The following SECISBP2 variants were observed in gnomAD, a reference collection of about 807,000 sequenced individuals.
The protein encoded by SECISBP2 is SECIS binding protein 2, also known as selenocysteine insertion sequence-binding protein 2.
SECISBP2 carries 96 observed loss-of-function variants against 98.2 expected under a neutral mutation model. The observed-to-expected ratio is 0.98, with a 90% CI of 0.83 to 1.16. SECISBP2 has a LOEUF of 1.16. Ranked by LOEUF, SECISBP2 falls within the 50% of genes most tolerant of loss-of-function variation. SECISBP2 has a pLI of 0.00. For synonymous variants in SECISBP2, 407 were observed against 370.2 expected (o/e 1.10, Z -1.14); for missense variants, 1,046 against 1,022.9 (o/e 1.02, Z -0.31).
At chr9:89,354,860 G>A (rs1280165822) in intron 14 of SECISBP2, 2 of 985,284 alleles carry the variant, frequency 2.0e-6, no homozygotes, top group Admixed American at 6.1e-5. Context: ...TGTTACGGGG[G>A]ACTTCATATG....
At chr9:89,342,376 G>A (rs1282101239) in intron 10 of SECISBP2, among the ~76,000 whole-genome samples, 1 of 133,306 alleles carries the variant, frequency 7.5e-6, no homozygotes, top group South Asian at 2.7e-4. Context: ...ACAACCTGGT[G>A]GCTACTTAAC....
rs546744075 is a variant in SECISBP2, at chr9:89,357,922, G to T, written c.2269-77G>T. 12 of 1,452,750 alleles carry T rather than the reference G, an allele frequency of 8.3e-6. No individual in the cohort carries two copies. The African/African-American group carries it at 1.5e-4, about 18-fold the overall frequency. The allele number at this position is 1,452,750 out of a possible 1,614,324, so 90.0% of individuals were successfully genotyped here. ...ATGTCACCCCTGCTTCTCTGTGGAG[G>T]TGGCCATTGCTGAGTTTGAGGGACC... On this transcript the variant is annotated intron_variant, in intron 15 of 16. Coordinates refer to ENST00000375807, the MANE Select transcript of SECISBP2 (RefSeq NM_024077.5).
chr9:89,331,903 GTTTA>G (rs143259684), intron 5 of SECISBP2, among the ~76,000 whole-genome samples: 105 of 152,284 alleles, frequency 6.9e-4, no homozygotes, highest in African/African-American at 2.4e-3. Flanking sequence ...ATACACAAAT[GTTTA>G]TATCATAGGC....
Position 89,358,887 on chromosome 9 carries a change from C to A in SECISBP2, c.*63C>A. On this transcript the variant is annotated 3_prime_UTR_variant, in exon 17 of 17. Transcript: ENST00000375807. ...GGGAGGTCTGAAAAAGACTTTGGGG[C>A]TTTTTCTTCTGTTTTTCATGACAAT... is the stretch of plus-strand genomic sequence containing the variant. 1 of 964,014 alleles carries A rather than the reference C, an allele frequency of 1.0e-6. No individual in the cohort carries two copies. Among genetic ancestry groups the A allele is most frequent in the Non-Finnish European group, 1.7e-6 (1 of 604,792 alleles). 59.7% of individuals were successfully genotyped at this position (964,014 alleles called of 1,614,324 possible). A position where few individuals can be genotyped will look rare whatever the true frequency, so the allele number is the denominator to read the frequency against.
rs948189886 is a variant in SECISBP2 at position 89,347,170 on chromosome 9, TA to T, written c.1602+126del. 108 of 973,576 alleles carry T rather than the reference TA, an allele frequency of 1.1e-4. No homozygotes were observed. In the African/African-American group the frequency reaches 1.7e-3, roughly 15 times the overall value. 60.3% of individuals were successfully genotyped at this position (973,576 alleles called of 1,614,324 possible). A position where few individuals can be genotyped will look rare whatever the true frequency, so the allele number is the denominator to read the frequency against. ...CTTGTATTACTTGAATATGTTGTAG[TA>T]AAACGTGTTAATGATACTCCAACAA... On this transcript the variant is annotated intron_variant, in intron 11 of 16. Coordinates refer to ENST00000375807, the MANE Select transcript of SECISBP2 (RefSeq NM_024077.5).
chr9:89,346,761 T>TG, intron 10 of SECISBP2, 121 bp from the exon 11 acceptor site: 2 of 1,041,956 alleles, frequency 1.9e-6, no homozygotes, highest in South Asian at 2.6e-5. Context: ...GGGGACAAGC[T>TG]GGGGGTGACT....
intron 10 of SECISBP2, among the ~76,000 whole-genome samples, chr9:89,344,594 A>G (rs529998445): frequency 6.6e-6 from 1 of 152,064 alleles, no homozygotes; most frequent in East Asian, 1.9e-4. Flanking sequence ...GTGTTTGTCA[A>G]CTTCGTCATT....
chr9:89,326,457 G>A (rs532106751), intron 4 of SECISBP2, among the ~76,000 whole-genome samples: 5 of 152,310 alleles, frequency 3.3e-5, no homozygotes, highest in South Asian at 2.1e-4. Flanking sequence ...GAGGTTATGC[G>A]TTTTATGCTA....
At chr9:89,333,123 G>C (rs1462261557) in intron 6 of SECISBP2, 137 bp downstream of exon 6, 1 of 741,704 alleles carries the variant, frequency 1.3e-6, no homozygotes, top group East Asian at 2.7e-5. Flanking sequence ...CCTAACATCA[G>C]TGTTAGTTTA....
intron 14 of SECISBP2, chr9:89,357,184 CT>C (rs1335546048): frequency 1.7e-6 from 1 of 581,380 alleles, no homozygotes; most frequent in Non-Finnish European, 3.1e-6. Context: ...TAATAGTTAA[CT>C]TTTCCTGTTA....
At chr9:89,362,239 G>A (rs901557352), downstream of SECISBP2, 31 of 1,224,416 alleles carry the variant, frequency 2.5e-5, no homozygotes, top group Non-Finnish European at 3.2e-5. Context: ...CCACTGTCCC[G>A]CCTCTGCCCA....
intron 8 of SECISBP2, among the ~76,000 whole-genome samples, chr9:89,338,840 T>G (rs1829202347): frequency 6.6e-6 from 1 of 152,162 alleles, no homozygotes. Context: ...TTGAATAGTT[T>G]GTGTGCCATA....
At chr9:89,360,387 A>G (rs546152907), downstream of SECISBP2, among the ~76,000 whole-genome samples, 13 of 152,366 alleles carry the variant, frequency 8.5e-5, no homozygotes, top group South Asian at 2.7e-3. Flanking sequence ...TGTGGGCAAA[A>G]AGACAAAATA....
chr9:89,338,071 C>A (rs978009988), intron 7 of SECISBP2, among the ~76,000 whole-genome samples: 7 of 152,184 alleles, frequency 4.6e-5, no homozygotes, highest in Non-Finnish European at 1.5e-5. Flanking sequence ...GGTGATTCTG[C>A]TCTGCAGACA....
chr9:89,334,758 G>A lies in SECISBP2; in HGVS notation c.1089+28G>A, dbSNP rs776226286. ...ACGTGTCACTAGAGACAGAAAGTAG[G>A]ATGGTGGTTGCCAGGGGCTCAGTAG... is the stretch of plus-strand genomic sequence containing the variant. On this transcript the variant is annotated intron_variant, in intron 7 of 16. Coordinates refer to ENST00000375807, the MANE Select transcript of SECISBP2 (RefSeq NM_024077.5). The A allele has an allele frequency of 1.9e-6, 3 of 1,563,222 alleles. No homozygotes were observed. In the African/African-American group the frequency reaches 4.1e-5, roughly 21 times the overall value.
At chr9:89,362,297 A>T, downstream of SECISBP2, 1 of 1,595,828 alleles carries the variant, frequency 6.3e-7, no homozygotes, top group Non-Finnish European at 8.6e-7. Context: ...TGGGCAAGAC[A>T]GTTCACAGTT....
chr9:89,357,912 C>T (rs369769365), intron 15 of SECISBP2, 87 bp from the exon 16 acceptor site: 14 of 1,389,998 alleles, frequency 1.0e-5, no homozygotes, highest in Admixed American at 1.9e-5. Context: ...ACCCCTGCTT[C>T]TCTGTGGAGG....
In SECISBP2 at chr9:89,341,405, G is replaced by C. The variant is rs778674187; in HGVS notation, c.1361G>C (p.Gly454Ala). The change falls in exon 10 of 17, where the codon GGC becomes GCC. Residue 454 changes from glycine (G) to alanine (A), a missense_variant. Coordinates refer to ENST00000375807, the MANE Select transcript of SECISBP2 (RefSeq NM_024077.5). The stretch of plus-strand genomic sequence containing the variant: ...CTTCCAGTGCAGTTGGACTTGGGGG[G>C]CATGCTGACAGCCCTGGAGAAGAAG... ...SQLPVQLDLG[G>A]MLTALEKKQH... 6.2e-7 allele frequency: 1 copy of C among 1,613,982 alleles called. No individual in the cohort carries two copies. Among genetic ancestry groups the C allele is most frequent in the Admixed American group, 1.7e-5 (1 of 60,018 alleles).
At chr9:89,357,031 G>A (rs1376752339) in intron 14 of SECISBP2, 4 of 336,148 alleles carry the variant, frequency 1.2e-5, no homozygotes, top group Admixed American at 4.4e-5. Flanking sequence ...CCTGTGCCTC[G>A]ACCAGGGGTA....
Sources: allele counts gnomAD v4.1 joint callset (sites outside exome capture counted in the v4.1 genomes callset), GRCh38; gene constraint gnomAD v4.1.1; transcripts MANE v1.5; gene names NCBI Gene and HGNC (gene_info 2026-07-23, HGNC 2026-07-21).